Variants in KCNQ1 observed in about 807,000 individuals in gnomAD.
KCNQ1 encodes potassium voltage-gated channel subfamily KQT member 1.
KCNQ1 carries 49 observed loss-of-function variants against 72.4 expected under a neutral mutation model. That is an observed-to-expected ratio of 0.68 (90% CI 0.54 to 0.86). KCNQ1 has a LOEUF of 0.86. Among genes scored for constraint, KCNQ1 ranks in the 40% least tolerant of loss-of-function variants. The pLI is 0.00. For missense variants in KCNQ1, 790 were observed against 945.1 expected (o/e 0.84, Z 2.15); for synonymous variants, 450 against 412.6 (o/e 1.09, Z -1.10).
At chr11:2,807,220 C>A (rs188624876) in intron 15 of KCNQ1, among the ~76,000 whole-genome samples, 1 of 152,214 alleles carries the variant, frequency 6.6e-6, no homozygotes, top group Non-Finnish European at 1.5e-5. Context: ...TTTCATCGAG[C>A]CTGACAAGCC....
chr11:2,727,977 C>T (rs1383551413), intron 11 of KCNQ1, among the ~76,000 whole-genome samples: 2 of 152,114 alleles, frequency 1.3e-5, no homozygotes, highest in African/African-American at 4.8e-5. Context: ...CAAAATCTAA[C>T]CCTCTTACCC....
intron 11 of KCNQ1, among the ~76,000 whole-genome samples, chr11:2,701,614 G>A (rs1289583480): frequency 4.6e-5 from 7 of 152,216 alleles, no homozygotes; most frequent in Non-Finnish European, 8.8e-5. Flanking sequence ...TTGTGTTTTA[G>A]AAGTGAAGTC....
chr11:2,529,203 T>C (rs1224265375), intron 2 of KCNQ1, among the ~76,000 whole-genome samples: 1 of 152,182 alleles, frequency 6.6e-6, no homozygotes, highest in Non-Finnish European at 1.5e-5. Flanking sequence ...CTTTGGGGTT[T>C]TTCTATTCTG....
intron 11 of KCNQ1, among the ~76,000 whole-genome samples, chr11:2,736,724 C>G (rs1845963608): frequency 1.3e-5 from 2 of 152,366 alleles, no homozygotes; most frequent in South Asian, 4.1e-4. Context: ...GGGCGGCTTC[C>G]CATTTCACCT....
rs1177090587 is a variant in KCNQ1, at chr11:2,750,137, T to C, written c.1515-18707T>C. ...GGGGAGAGACCTGCGCAACCCCACCTGAGTGAGGCACTGTGGGCCCAGAGT... is the reference window on the plus strand; with the variant it reads ...GGGGAGAGACCTGCGCAACCCCACCCGAGTGAGGCACTGTGGGCCCAGAGT... On this transcript the variant is annotated intron_variant, in intron 11 of 15. Transcript: ENST00000155840. The surrounding 1 kb of genome is among the most constrained non-coding windows in gnomAD (Gnocchi z 6.3). Among the ~76,000 whole-genome samples, 1 of 152,140 alleles carries C rather than the reference T, an allele frequency of 6.6e-6. No homozygotes were observed. Among genetic ancestry groups the C allele is most frequent in the Non-Finnish European group, 1.5e-5 (1 of 68,014 alleles).
At chr11:2,619,029 C>T (rs189564113) in intron 10 of KCNQ1, 1 of 398,316 alleles carries the variant, frequency 2.5e-6, no homozygotes, top group East Asian at 3.6e-5. Context: ...ATTTTATATC[C>T]TACAACTTTA....
At chr11:2,629,067 C>A (rs1205019838) in intron 10 of KCNQ1, 2 of 397,926 alleles carry the variant, frequency 5.0e-6, no homozygotes, top group African/African-American at 4.1e-5. Flanking sequence ...TGCTTTAGAT[C>A]TTTAAGGTCT....
intron 15 of KCNQ1, among the ~76,000 whole-genome samples, chr11:2,844,270 G>C (rs1207979996): frequency 1.3e-5 from 2 of 152,200 alleles, no homozygotes; most frequent in African/African-American, 2.4e-5. Context: ...CTTCCCACAA[G>C]GGGGGCAGCA....
intron 15 of KCNQ1, among the ~76,000 whole-genome samples, chr11:2,832,240 C>T (rs980649833): frequency 9.2e-5 from 14 of 152,180 alleles, no homozygotes; most frequent in Non-Finnish European, 1.8e-4. Flanking sequence ...AGATGGGCAG[C>T]GTTAGAGAAG....
At chr11:2,606,142 G>A (rs1848874976) in intron 10 of KCNQ1, among the ~76,000 whole-genome samples, 1 of 152,058 alleles carries the variant, frequency 6.6e-6, no homozygotes, top group Non-Finnish European at 1.5e-5. Flanking sequence ...TGTTATACAT[G>A]GAATTGTTTT....
At chr11:2,557,061 T>G (rs1399998788) in intron 2 of KCNQ1, among the ~76,000 whole-genome samples, 1 of 152,172 alleles carries the variant, frequency 6.6e-6, no homozygotes, top group Non-Finnish European at 1.5e-5. Context: ...AACAAATACA[T>G]TGCTCAGCAG....
intron 15 of KCNQ1, among the ~76,000 whole-genome samples, chr11:2,836,046 C>T (rs1362590724): frequency 1.3e-5 from 2 of 151,950 alleles, no homozygotes; most frequent in African/African-American, 2.4e-5. Flanking sequence ...CTCCCAAGGA[C>T]GCACCACCAT....
rs1845943310 is a variant in KCNQ1, at chr11:2,735,590, G to A, written c.1515-33254G>A. ...CCATTTTCTGTTGAGCACACTTGAG[G>A]AGCACTTGGAGGAGCTGGGGGATGA... On this transcript the variant is annotated intron_variant, in intron 11 of 15. Coordinates refer to ENST00000155840, the MANE Select transcript of KCNQ1 (RefSeq NM_000218.3). The surrounding 1 kb of genome is among the most constrained non-coding windows in gnomAD (Gnocchi z 7.7). Among the ~76,000 whole-genome samples the A allele has an allele frequency of 6.6e-6, 1 of 152,234 alleles. No individual in the cohort carries two copies. Among genetic ancestry groups the A allele is most frequent in the Admixed American group, 6.5e-5 (1 of 15,304 alleles).
chr11:2,650,677 T>A, intron 10 of KCNQ1: 1 of 398,656 alleles, frequency 2.5e-6, no homozygotes, highest in Non-Finnish European at 4.4e-6. Flanking sequence ...TTAAGCCTCT[T>A]CTCTGATTCT....
chr11:2,648,100 G>A (rs1590003758), intron 10 of KCNQ1: 1 of 373,462 alleles, frequency 2.7e-6, no homozygotes, highest in East Asian at 3.8e-5. Flanking sequence ...CATCTACTCA[G>A]AAGCTGAGGC....
intron 10 of KCNQ1, chr11:2,655,884 C>G (rs1849837765): frequency 2.5e-6 from 1 of 398,576 alleles, no homozygotes; most frequent in South Asian, 1.3e-4. Context: ...CTTCTCTGCC[C>G]CTTGTTATAG....
In KCNQ1 at chr11:2,498,311, T is replaced by C. The variant is rs1355246217; in HGVS notation, c.387-29617T>C. ...ACAGCCACCCCTTCTCCAGGTGCTC[T>C]GTCCCAGGGAAATGGGAGTTTTATC... On this transcript the variant is annotated intron_variant, in intron 1 of 15. Transcript: ENST00000155840. This position sits in a 1 kb window ranked among gnomAD's most constrained non-coding sequence, Gnocchi z 4.8. Among the ~76,000 whole-genome samples the C allele has an allele frequency of 6.6e-6, 1 of 152,240 alleles. No homozygotes were observed. The highest frequency in any genetic ancestry group is 1.5e-5 in the Non-Finnish European group (1 of 68,038).
chr11:2,572,718 G>C (rs1848356222), intron 5 of KCNQ1, 128 bp from the exon 6 acceptor site: 1 of 1,224,596 alleles, frequency 8.2e-7, no homozygotes, highest in Admixed American at 1.9e-5. Flanking sequence ...CCGGCCCTGT[G>C]CATGTGAACC....
intron 11 of KCNQ1, chr11:2,672,562 T>C (rs1170572286): frequency 7.5e-6 from 3 of 398,566 alleles, no homozygotes; most frequent in Non-Finnish European, 1.3e-5. Flanking sequence ...GGTGGCCTTA[T>C]CAAACCACAT....
Sources: gnomAD v4.1 joint callset for allele counts (sites outside exome capture counted in the v4.1 genomes callset) on GRCh38, gnomAD v4.1.1 for gene constraint, Gnocchi (gnomAD v3.1) non-coding constraint, MANE v1.5 for transcripts, NCBI Gene and HGNC (gene_info 2026-07-23, HGNC 2026-07-21) for gene names.